MTUS2: variants seen among roughly 807,000 people sequenced by gnomAD.
MTUS2 encodes microtubule-associated tumor suppressor candidate 2.
In MTUS2, 40 loss-of-function variants were observed where a neutral mutation model predicts 114.1. That is an observed-to-expected ratio of 0.35 (90% CI 0.27 to 0.46). The LOEUF (loss-of-function observed/expected upper bound fraction) is 0.46. Ranked by LOEUF, MTUS2 falls within the 20% of genes least tolerant of loss-of-function variation. MTUS2 has a pLI of 1.00. For synonymous variants in MTUS2, 688 were observed against 672.0 expected (o/e 1.02, Z -0.37); for missense variants, 1,679 against 1,705.4 (o/e 0.98, Z 0.27).
intron 2 of MTUS2, among the ~76,000 whole-genome samples, chr13:28,910,819 G>T (rs1880371965): frequency 8.0e-6 from 1 of 124,258 alleles, no homozygotes; most frequent in Non-Finnish European, 1.6e-5. Context: ...CTTTGCTATT[G>T]TGAATAGTGG....
At chr13:28,841,971 C>A (rs1327587543) in intron 2 of MTUS2, among the ~76,000 whole-genome samples, 1 of 152,198 alleles carries the variant, frequency 6.6e-6, no homozygotes. Context: ...AGGCGTGAGC[C>A]ACCGCGCCCG....
At chr13:29,112,948 T>C (rs1234284498) in intron 5 of MTUS2, among the ~76,000 whole-genome samples, 1 of 152,104 alleles carries the variant, frequency 6.6e-6, no homozygotes, top group Non-Finnish European at 1.5e-5. Flanking sequence ...GTTCTTTGAG[T>C]AATACACTGA....
At chr13:29,206,372 C>T (rs1440393750) in intron 5 of MTUS2, among the ~76,000 whole-genome samples, 2 of 152,154 alleles carry the variant, frequency 1.3e-5, no homozygotes, top group Admixed American at 6.5e-5. Flanking sequence ...GTTCACTCTG[C>T]TGATTATTGC....
intron 6 of MTUS2, among the ~76,000 whole-genome samples, chr13:29,295,335 A>G (rs975030703): frequency 6.6e-6 from 1 of 152,154 alleles, no homozygotes; most frequent in Admixed American, 6.5e-5. Context: ...AATTACAGTC[A>G]TCTTATAGTG....
intron 5 of MTUS2, among the ~76,000 whole-genome samples, chr13:29,272,024 T>C (rs1198938410): frequency 1.3e-5 from 2 of 152,224 alleles, no homozygotes; most frequent in Non-Finnish European, 1.5e-5. Context: ...TTCTCTGTGG[T>C]ATCTCAACTT....
At chr13:29,099,183 G>A (rs993529604) in intron 4 of MTUS2, among the ~76,000 whole-genome samples, 1 of 152,134 alleles carries the variant, frequency 6.6e-6, no homozygotes, top group African/African-American at 2.4e-5. Context: ...TGATACAAAC[G>A]GGCCATTACC....
intron 2 of MTUS2, among the ~76,000 whole-genome samples, chr13:28,987,391 T>A (rs1012415705): frequency 2.0e-5 from 3 of 152,036 alleles, no homozygotes; most frequent in Non-Finnish European, 4.4e-5. Context: ...GAGGGCTGTT[T>A]CAGCCTACTA....
At chr13:28,873,213 C>T (rs999360689) in intron 2 of MTUS2, among the ~76,000 whole-genome samples, 2 of 152,148 alleles carry the variant, frequency 1.3e-5, no homozygotes, top group Admixed American at 6.6e-5. Flanking sequence ...TTCGGTGACA[C>T]ATGTTTGAGT....
At chr13:29,178,939 G>C (rs542353472) in intron 5 of MTUS2, among the ~76,000 whole-genome samples, 248 of 152,274 alleles carry the variant, frequency 1.6e-3, no homozygotes, top group Non-Finnish European at 1.9e-3. Flanking sequence ...AGCCACAGAA[G>C]TGGATTTTAA....
At chr13:28,918,331 A>G (rs1179891316) in intron 2 of MTUS2, among the ~76,000 whole-genome samples, 2 of 152,044 alleles carry the variant, frequency 1.3e-5, no homozygotes, top group African/African-American at 4.8e-5. Flanking sequence ...CTCCAATAAT[A>G]TTAGCTTTAT....
intron 1 of MTUS2, among the ~76,000 whole-genome samples, chr13:28,832,865 A>C (rs1309548055): frequency 6.6e-6 from 1 of 151,860 alleles, no homozygotes; most frequent in South Asian, 2.1e-4. Context: ...AGAGAGAAGA[A>C]TCAGTTATTA....
intron 1 of MTUS2, among the ~76,000 whole-genome samples, chr13:28,828,514 G>A (rs1185124597): frequency 2.0e-5 from 3 of 152,176 alleles, no homozygotes; most frequent in Admixed American, 6.6e-5. Flanking sequence ...AGAGATTGCA[G>A]TAAAGACAGG....
intron 2 of MTUS2, among the ~76,000 whole-genome samples, chr13:28,935,348 C>G (rs993287680): frequency 1.3e-5 from 2 of 152,030 alleles, no homozygotes; most frequent in Admixed American, 6.6e-5. Context: ...GAGAGATTGC[C>G]AAACGTATGT....
chr13:28,897,760 G>A (rs1879369394), intron 2 of MTUS2, among the ~76,000 whole-genome samples: 1 of 152,100 alleles, frequency 6.6e-6, no homozygotes, highest in South Asian at 2.1e-4. Context: ...TAGGGACATG[G>A]ATGAAGCTGG....
chr13:29,200,290 C>T (rs755246241), intron 5 of MTUS2, among the ~76,000 whole-genome samples: 39 of 151,664 alleles, frequency 2.6e-4, no homozygotes, highest in Non-Finnish European at 4.6e-4. Context: ...GTTAGGGTGT[C>T]GATTTTAGAT....
intron 5 of MTUS2, among the ~76,000 whole-genome samples, chr13:29,190,603 G>A (rs550603407): frequency 6.6e-6 from 1 of 152,350 alleles, no homozygotes; most frequent in African/African-American, 2.4e-5. Flanking sequence ...GGTAGGCACA[G>A]GTGAGTGCAG....
intron 5 of MTUS2, among the ~76,000 whole-genome samples, chr13:29,108,568 G>A (rs2138854174): frequency 6.6e-6 from 1 of 152,288 alleles, no homozygotes; most frequent in Non-Finnish European, 1.5e-5. Flanking sequence ...GTAAGCATAA[G>A]CTCAGCGCCA....
intron 7 of MTUS2, 94 bp from the exon 8 acceptor site, chr13:29,359,168 A>G (rs1566152112): frequency 8.4e-7 from 1 of 1,193,630 alleles, no homozygotes; most frequent in African/African-American, 1.5e-5. Context: ...CTTCTCTACC[A>G]CTTGAAGAAC....
At chr13:29,163,986 C>T (rs2139089793) in intron 5 of MTUS2, among the ~76,000 whole-genome samples, 1 of 152,266 alleles carries the variant, frequency 6.6e-6, no homozygotes, top group South Asian at 2.1e-4. Context: ...TCGCTGAAAA[C>T]TCTGCTACAC....
Sources: gnomAD v4.1 joint callset for allele counts (sites outside exome capture counted in the v4.1 genomes callset) on GRCh38, gnomAD v4.1.1 for gene constraint, MANE v1.5 for transcripts, NCBI Gene and HGNC (gene_info 2026-07-23, HGNC 2026-07-21) for gene names.